Variants in MAP2K1 observed in about 807,000 individuals in gnomAD.
MAP2K1 encodes mitogen-activated protein kinase kinase 1.
MAP2K1 carries 16 observed loss-of-function variants against 46.3 expected under a neutral mutation model. The ratio of observed to expected loss-of-function variants is 0.35; its 90% confidence interval spans 0.23 to 0.52. MAP2K1 has a LOEUF of 0.52. Ranked by LOEUF, MAP2K1 falls within the 20% of genes least tolerant of loss-of-function variation. The pLI, the probability that MAP2K1 is intolerant of heterozygous loss-of-function variation, is 0.94. For missense variants in MAP2K1, 263 were observed against 497.1 expected, an observed-to-expected ratio of 0.53 and a Z score of 4.48; for synonymous variants, 183 against 185.6, an observed-to-expected ratio of 0.99 and a Z score of 0.11.
rs2140579469 is a variant in MAP2K1 at position 66,435,159 on chromosome 15, C to T, written c.213C>T (p.Ile71=). Residue 71 remains isoleucine (I), a synonymous_variant, in exon 2 of 11, where the codon ATC becomes ATT. Coordinates refer to ENST00000307102, the MANE Select transcript of MAP2K1 (RefSeq NM_002755.4). ...GELKDDDFEK[I]SELGAGNGGV... The stretch of plus-strand genomic sequence containing the variant: ...TGAAGGATGACGACTTTGAGAAGAT[C>T]AGTGAGCTGGGGGCTGGCAATGGCG... 1 of 1,614,098 alleles carries T rather than the reference C, an allele frequency of 6.2e-7. No individual in the cohort carries two copies. The highest frequency in any genetic ancestry group is 8.5e-7 in the Non-Finnish European group (1 of 1,179,980).
At position 66,423,206 on chromosome 15, in the gene MAP2K1, A is replaced by C. The variant is rs34893949; in HGVS notation, c.81-11821A>C. 3.0e-3 allele frequency among the ~76,000 whole-genome samples: 462 copies of C among 152,200 alleles called. 2 individuals are homozygous for C. The highest frequency in any genetic ancestry group is 0.01 in the Middle Eastern group (3 of 294). On this transcript the variant is annotated intron_variant, in intron 1 of 10. Transcript: ENST00000307102. ...TTGACCTCTGATGCCACGTTTTTAA[A>C]ATTTCTAGCATTTTAATTTGATTCT...
intron 1 of MAP2K1, among the ~76,000 whole-genome samples, chr15:66,388,160 A>G (rs907597761): frequency 3.3e-5 from 5 of 152,208 alleles, no homozygotes; most frequent in African/African-American, 1.2e-4. Flanking sequence ...ACCATGACCT[A>G]GAAACCACAT....
In MAP2K1 at chr15:66,420,715, A is replaced by ATATATATATATATATATATATG. The variant is rs1174431450; in HGVS notation, c.81-14305_81-14304insATATATATATATATGTATATAT. 1.8e-4 allele frequency among the ~76,000 whole-genome samples: 6 copies of ATATATATATATATATATATATG among 33,990 alleles called. 3 individuals are homozygous for ATATATATATATATATATATATG. The highest frequency in any genetic ancestry group is 3.8e-4 in the Non-Finnish European group (6 of 15,806). The allele number at this position is 33,990 out of a possible 152,430, so 22.3% of individuals were successfully genotyped here. On this transcript the variant is annotated intron_variant, in intron 1 of 10. Transcript: ENST00000307102. Reference sequence around the variant, plus strand: ...TAATACTTACTCTTGGCATATATATATATATATGTGTGTGTGTGTGTGTGT... The same window carrying ATATATATATATATATATATATG: ...TAATACTTACTCTTGGCATATATATATATATATATATATATATATATGTATATATGTGTGTGTGTGTGTGTGT...
In MAP2K1 at chr15:66,448,219, C is replaced by T. The variant is rs147167119; in HGVS notation, c.568+3512C>T. ...CCATCCACTGGAAACCACCAATCTA[C>T]CTTCTGTCTCTATGAGTTTGACTAC... On this transcript the variant is annotated intron_variant, in intron 5 of 10. Coordinates refer to ENST00000307102, the MANE Select transcript of MAP2K1 (RefSeq NM_002755.4). 4.3e-3 allele frequency among the ~76,000 whole-genome samples: 646 copies of T among 151,644 alleles called. 6 individuals are homozygous for T. Among genetic ancestry groups the T allele is most frequent in the Non-Finnish European group, 6.3e-3 (426 of 67,958 alleles).
At chr15:66,405,667 T>C (rs1055685356) in intron 1 of MAP2K1, among the ~76,000 whole-genome samples, 3 of 152,186 alleles carry the variant, frequency 2.0e-5, no homozygotes, top group Non-Finnish European at 4.4e-5. Context: ...ATGTGAGAAA[T>C]GGAGTGACTC....
At chr15:66,475,289 G>C (rs939699570) in intron 5 of MAP2K1, among the ~76,000 whole-genome samples, 9 of 152,142 alleles carry the variant, frequency 5.9e-5, no homozygotes, top group Non-Finnish European at 1.3e-4. Flanking sequence ...CTTTGCCAAG[G>C]ATACTAAGAA....
At chr15:66,427,475 T>C (rs2093462185) in intron 1 of MAP2K1, among the ~76,000 whole-genome samples, 2 of 150,686 alleles carry the variant, frequency 1.3e-5, no homozygotes, top group South Asian at 4.2e-4. Context: ...AGGAGAATTG[T>C]GTGAACCCAG....
chr15:66,405,329 A>G (rs2093393723), intron 1 of MAP2K1, among the ~76,000 whole-genome samples: 1 of 152,198 alleles, frequency 6.6e-6, no homozygotes, highest in South Asian at 2.1e-4. Context: ...TTAAAATTAA[A>G]GTTGAAAAAT....
At chr15:66,489,337 A>G in intron 9 of MAP2K1, 61 bp downstream of exon 9, 4 of 1,463,446 alleles carry the variant, frequency 2.7e-6, no homozygotes, top group South Asian at 1.1e-5. Context: ...TCCCCACCCC[A>G]TTTCTGGAAG....
chr15:66,400,684 TCTC>T (rs1239653111), intron 1 of MAP2K1, among the ~76,000 whole-genome samples: 2 of 152,158 alleles, frequency 1.3e-5, no homozygotes, highest in Non-Finnish European at 2.9e-5. Flanking sequence ...GTTTTCGTCT[TCTC>T]CTCCCAAGAT....
At chr15:66,409,565 G>A (rs1485260198) in intron 1 of MAP2K1, among the ~76,000 whole-genome samples, 1 of 152,172 alleles carries the variant, frequency 6.6e-6, no homozygotes, top group African/African-American at 2.4e-5. Context: ...AGGACAGATG[G>A]CCACAGACAG....
At chr15:66,458,793 T>TGTGTGTGGATC (rs1892238437) in intron 5 of MAP2K1, among the ~76,000 whole-genome samples, 1 of 152,232 alleles carries the variant, frequency 6.6e-6, no homozygotes, top group Non-Finnish European at 1.5e-5. Flanking sequence ...AGTGTGGGAC[T>TGTGTGTGGATC]ACTGGTGTGA....
At chr15:66,418,766 C>T (rs2093430354) in intron 1 of MAP2K1, among the ~76,000 whole-genome samples, 1 of 151,394 alleles carries the variant, frequency 6.6e-6, no homozygotes, top group African/African-American at 2.4e-5. Flanking sequence ...GGGTTCACGC[C>T]ATTCTCCTGC....
At chr15:66,422,725 T>C (rs1419208067) in intron 1 of MAP2K1, among the ~76,000 whole-genome samples, 3 of 152,182 alleles carry the variant, frequency 2.0e-5, no homozygotes, top group Admixed American at 1.3e-4. Context: ...TAAGTATTGC[T>C]TAGGGTGCCC....
chr15:66,420,192 C>G (rs530438646), intron 1 of MAP2K1, among the ~76,000 whole-genome samples: 1 of 151,654 alleles, frequency 6.6e-6, no homozygotes, highest in Admixed American at 6.6e-5. Flanking sequence ...TGTGGTGAAC[C>G]GAGATCACAC....
In MAP2K1 at chr15:66,457,369, C is replaced by T. The variant is rs190304527; in HGVS notation, c.568+12662C>T. ...TCCTGGGCTCAAGTGATCCACCTGC[C>T]TTGGCTTCCCAAAGTGCTGGGATTA... On this transcript the variant is annotated intron_variant, in intron 5 of 10. Transcript: ENST00000307102. 3.4e-3 allele frequency among the ~76,000 whole-genome samples: 520 copies of T among 152,344 alleles called. 2 individuals are homozygous for T. The highest frequency in any genetic ancestry group is 4.5e-3 in the Non-Finnish European group (306 of 68,030).
chr15:66,452,551 C>G (rs534762986), intron 5 of MAP2K1, among the ~76,000 whole-genome samples: 33 of 152,226 alleles, frequency 2.2e-4, no homozygotes, highest in African/African-American at 7.7e-4. Flanking sequence ...AGTGAACATT[C>G]TTAAGCATGG....
chr15:66,463,487 T>C (rs1892382188), intron 5 of MAP2K1, among the ~76,000 whole-genome samples: 1 of 120,498 alleles, frequency 8.3e-6, no homozygotes, highest in African/African-American at 3.3e-5. Flanking sequence ...AGGGGTTTTT[T>C]CATTAATTTT....
chr15:66,420,906 TAC>T lies in MAP2K1; in HGVS notation c.81-14113_81-14112del, dbSNP rs1169383941. Among the ~76,000 whole-genome samples, 11 of 126,908 alleles carry T rather than the reference TAC, an allele frequency of 8.7e-5. 1 individual carries two copies. Among genetic ancestry groups the T allele is most frequent in the African/African-American group, 2.1e-4 (7 of 33,826 alleles). 83.3% of individuals were successfully genotyped at this position (126,908 alleles called of 152,430 possible). A position where few individuals can be genotyped will look rare whatever the true frequency, so the allele number is the denominator to read the frequency against. ...ATGTGTATATATACACATACATACATACACACACATACATACATATATATACA... is the reference window on the plus strand; with the variant it reads ...ATGTGTATATATACACATACATACATACACACATACATACATATATATACA... On this transcript the variant is annotated intron_variant, in intron 1 of 10. Transcript: ENST00000307102.
Sources: allele counts gnomAD v4.1 joint callset (sites outside exome capture counted in the v4.1 genomes callset), GRCh38; gene constraint gnomAD v4.1.1; transcripts MANE v1.5; gene names NCBI Gene and HGNC (gene_info 2026-07-23, HGNC 2026-07-21).